DGKB: variants seen among roughly 807,000 people sequenced by gnomAD.
DGKB encodes the protein diacylglycerol kinase beta.
A neutral mutation model predicts 114.3 loss-of-function variants in DGKB; 67 were observed. The observed-to-expected ratio is 0.59, with a 90% confidence interval of 0.48 to 0.72. The LOEUF (loss-of-function observed/expected upper bound fraction) is 0.72, where lower values mean the gene tolerates loss of function less well. Among genes scored for constraint, DGKB ranks in the 30% least tolerant of loss-of-function variants. The pLI, the probability that DGKB is intolerant of heterozygous loss-of-function variation, is 0.00. For synonymous variants in DGKB, 398 were observed against 323.1 expected (o/e 1.23, Z -2.49); for missense variants, 907 against 975.2 (o/e 0.93, Z 0.93).
intron 9 of DGKB, among the ~76,000 whole-genome samples, chr7:14,691,977 A>G (rs955897377): frequency 3.3e-5 from 5 of 152,100 alleles, no homozygotes; most frequent in Admixed American, 6.6e-5. Flanking sequence ...CAGTTAATAG[A>G]GTGCACATTA....
chr7:14,404,561 G>A (rs757287828), intron 21 of DGKB, among the ~76,000 whole-genome samples: 17 of 151,766 alleles, frequency 1.1e-4, no homozygotes, highest in Admixed American at 2.0e-4. Context: ...AACATTTACC[G>A]AGTAGCCACT....
At chr7:14,318,155 A>T (rs1806974998) in intron 23 of DGKB, among the ~76,000 whole-genome samples, 1 of 104,666 alleles carries the variant, frequency 9.6e-6, no homozygotes, top group African/African-American at 3.4e-5. Context: ...TTAAAGACTT[A>T]AATGTTAGAC....
intron 20 of DGKB, among the ~76,000 whole-genome samples, chr7:14,553,587 A>G (rs927062381): frequency 2.6e-5 from 4 of 152,192 alleles, no homozygotes; most frequent in Non-Finnish European, 5.9e-5. Flanking sequence ...TTATTAAAAC[A>G]ATTCAATAAA....
intron 21 of DGKB, among the ~76,000 whole-genome samples, chr7:14,412,787 G>C (rs1825102428): frequency 6.6e-6 from 1 of 152,054 alleles, no homozygotes; most frequent in African/African-American, 2.4e-5. Flanking sequence ...TTCGAGACCA[G>C]CCTGGCCAAC....
At chr7:14,676,872 A>T (rs918325990) in intron 12 of DGKB, among the ~76,000 whole-genome samples, 1 of 152,078 alleles carries the variant, frequency 6.6e-6, no homozygotes, top group African/African-American at 2.4e-5. Flanking sequence ...TTTAAAATTT[A>T]AAAAAACATT....
chr7:14,314,320 G>A (rs537844373), intron 23 of DGKB, among the ~76,000 whole-genome samples: 17 of 152,050 alleles, frequency 1.1e-4, no homozygotes, highest in Middle Eastern at 3.4e-3. Context: ...GGCTTCAGAT[G>A]ATCAAATTAC....
chr7:14,481,354 A>G (rs778032989), intron 20 of DGKB, among the ~76,000 whole-genome samples: 5 of 152,090 alleles, frequency 3.3e-5, no homozygotes, highest in Non-Finnish European at 5.9e-5. Flanking sequence ...AACATTTTCA[A>G]TTGAGAGAAT....
chr7:14,385,272 T>A (rs530991043), intron 21 of DGKB, among the ~76,000 whole-genome samples: 1 of 152,128 alleles, frequency 6.6e-6, no homozygotes, highest in Admixed American at 6.5e-5. Flanking sequence ...AGAACACTCA[T>A]CATATCATCA....
intron 1 of DGKB, among the ~76,000 whole-genome samples, chr7:14,868,091 T>A (rs1164249053): frequency 6.6e-6 from 1 of 152,170 alleles, no homozygotes; most frequent in African/African-American, 2.4e-5. Flanking sequence ...CATTTCATCA[T>A]CAACATATGT....
At chr7:14,522,778 A>G (rs1789994800) in intron 20 of DGKB, among the ~76,000 whole-genome samples, 1 of 152,216 alleles carries the variant, frequency 6.6e-6, no homozygotes, top group Non-Finnish European at 1.5e-5. Context: ...TTTTGGGGAA[A>G]GAATTTGTCA....
intron 20 of DGKB, among the ~76,000 whole-genome samples, chr7:14,571,348 A>T (rs1798354783): frequency 6.6e-6 from 1 of 152,218 alleles, no homozygotes; most frequent in South Asian, 2.1e-4. Flanking sequence ...GGAAGCCAGA[A>T]AATCTCTATG....
At chr7:14,968,615 T>C (rs1787297987) in intron 1 of DGKB, among the ~76,000 whole-genome samples, 1 of 152,170 alleles carries the variant, frequency 6.6e-6, no homozygotes, top group Non-Finnish European at 1.5e-5. Flanking sequence ...TCCAGCTGTT[T>C]CTATTAGCCA....
In DGKB at chr7:14,812,885, C is replaced by T. The variant is rs148120821; in HGVS notation, c.70+28309G>A. Among the ~76,000 whole-genome samples, 297 of 152,278 alleles carry T rather than the reference C, an allele frequency of 2.0e-3. 1 individual carries two copies. The highest frequency in any genetic ancestry group is 8.1e-3 in the South Asian group (39 of 4,824). ...GCAATTTTGCAGCATCAGTTAAGTGCTTCCTCTATCTCCAATTCCCTTTTA... is the reference window on the plus strand; with the variant it reads ...GCAATTTTGCAGCATCAGTTAAGTGTTTCCTCTATCTCCAATTCCCTTTTA... On this transcript the variant is annotated intron_variant, in intron 2 of 25. Coordinates refer to ENST00000402815, the MANE Select transcript of DGKB (RefSeq NM_001350709.2).
intron 20 of DGKB, among the ~76,000 whole-genome samples, chr7:14,561,666 G>T (rs937603003): frequency 1.3e-5 from 2 of 152,158 alleles, no homozygotes; most frequent in African/African-American, 4.8e-5. Flanking sequence ...CAAAGAGATT[G>T]GTGGCATTTT....
intron 2 of DGKB, among the ~76,000 whole-genome samples, chr7:14,759,819 T>C (rs1278172631): frequency 1.3e-5 from 2 of 152,136 alleles, no homozygotes; most frequent in Non-Finnish European, 2.9e-5. Flanking sequence ...GTTTAGTGTT[T>C]TGAGGAACTG....
At chr7:14,338,313 T>G (rs1811041897) in intron 23 of DGKB, among the ~76,000 whole-genome samples, 1 of 152,050 alleles carries the variant, frequency 6.6e-6, no homozygotes, top group South Asian at 2.1e-4. Context: ...CGAAGAAGAA[T>G]AACGAAAAAT....
chr7:14,526,347 T>C (rs538372531), intron 20 of DGKB, among the ~76,000 whole-genome samples: 1 of 152,084 alleles, frequency 6.6e-6, no homozygotes, highest in Non-Finnish European at 1.5e-5. Flanking sequence ...CACCCTCAAG[T>C]TGTGACAATA....
chr7:14,796,434 C>G (rs1033868714), intron 2 of DGKB, among the ~76,000 whole-genome samples: 1 of 152,068 alleles, frequency 6.6e-6, no homozygotes. Context: ...CAGCTGCAGA[C>G]CAGACCAAAG....
At chr7:14,859,447 G>T (rs1850658819) in intron 1 of DGKB, among the ~76,000 whole-genome samples, 1 of 152,064 alleles carries the variant, frequency 6.6e-6, no homozygotes, top group Non-Finnish European at 1.5e-5. Context: ...AAGAAGATAA[G>T]AAAATGACTT....
Sources: allele counts gnomAD v4.1 joint callset (sites outside exome capture counted in the v4.1 genomes callset), GRCh38; gene constraint gnomAD v4.1.1; transcripts MANE v1.5; gene names NCBI Gene and HGNC (gene_info 2026-07-23, HGNC 2026-07-21).